The following FOXJ3 variants were observed in gnomAD, a reference collection of about 807,000 sequenced individuals.
The protein encoded by FOXJ3 is forkhead box protein J3.
Under a neutral mutation model 76.1 loss-of-function variants are expected in FOXJ3, and 22 were observed. That is an observed-to-expected ratio of 0.29 (90% confidence interval 0.21 to 0.41). The LOEUF (loss-of-function observed/expected upper bound fraction) is 0.41, where lower values mean the gene tolerates loss of function less well. FOXJ3 is among the 10% of genes least tolerant of loss of function. The pLI is 1.00. For missense variants in FOXJ3, 613 were observed against 762.1 expected (o/e 0.80, Z 2.30); for synonymous variants, 269 against 261.2 (o/e 1.03, Z -0.29).
chr1:42,194,824 GT>G (rs1408350557), intron 8 of FOXJ3, 65 bp downstream of exon 8: 22 of 992,152 alleles, frequency 2.2e-5, no homozygotes, highest in Non-Finnish European at 3.3e-5. Context: ...CAGCTGCCAT[GT>G]GAAATAATTT....
Position 42,196,067 on chromosome 1 carries a change from G to A in FOXJ3, c.760-1003C>T, listed in dbSNP as rs150150111. ...ACCTCCCTGGCTGAGTGAGGCATGG[G>A]ACTTTCTGCCTTACTCCCTTAGGGT... is the stretch of plus-strand genomic sequence containing the variant. On this transcript the variant is annotated intron_variant, in intron 7 of 12. Transcript: ENST00000361346. 2.6e-3 allele frequency among the ~76,000 whole-genome samples: 393 copies of A among 152,316 alleles called. 3 individuals are homozygous for A. The highest frequency in any genetic ancestry group is 9.0e-3 in the African/African-American group (375 of 41,564).
chr1:42,302,186 C>T lies in FOXJ3; in HGVS notation c.44+8864G>A, dbSNP rs894983685. The stretch of plus-strand genomic sequence containing the variant: ...TGTGGGGCCAGGGTGGTGGAGGTCT[C>T]AGGAAGTTTATCTAGATCCCTAGTG... On this transcript the variant is annotated intron_variant, in intron 2 of 12. Coordinates refer to ENST00000361346, the MANE Select transcript of FOXJ3 (RefSeq NM_014947.5). 4.6e-5 allele frequency among the ~76,000 whole-genome samples: 7 copies of T among 152,102 alleles called. No individual in the cohort carries two copies. In the South Asian group the frequency reaches 6.2e-4, roughly 14 times the overall value.
chr1:42,249,583 G>T (rs985066631), intron 4 of FOXJ3, among the ~76,000 whole-genome samples: 8 of 152,140 alleles, frequency 5.3e-5, no homozygotes, highest in Non-Finnish European at 8.8e-5. Flanking sequence ...AAAAATTAAC[G>T]TACAATTTGA....
At chr1:42,293,859 T>C (rs1653603354) in intron 2 of FOXJ3, among the ~76,000 whole-genome samples, 1 of 152,146 alleles carries the variant, frequency 6.6e-6, no homozygotes, top group Non-Finnish European at 1.5e-5. Context: ...TGTGAAGAAA[T>C]GGATCCCTAC....
Position 42,189,355 on chromosome 1 carries a change from A to G in FOXJ3, c.1401T>C (p.Cys467=), listed in dbSNP as rs1465666365. The part of the protein sequence containing the change: ...YATLDMLKES[C]RIASSVNWSD... ...ACCAATTAACACTGCTGGCAATTCG[A>G]CAGCTTTCTTTTAGCATATCAAGTG... The change falls in exon 10 of 13, where the codon TGT becomes TGC. Residue 467 remains cysteine, a synonymous_variant. Coordinates refer to ENST00000361346, the MANE Select transcript of FOXJ3 (RefSeq NM_014947.5). The G allele has an allele frequency of 1.4e-5, 23 of 1,613,688 alleles. No individual in the cohort carries two copies. The highest frequency in any genetic ancestry group is 9.3e-5 in the African/African-American group (7 of 74,934).
At chr1:42,233,057 T>C (rs1648290516) in intron 4 of FOXJ3, among the ~76,000 whole-genome samples, 1 of 131,100 alleles carries the variant, frequency 7.6e-6, no homozygotes, top group Admixed American at 8.1e-5. Context: ...AGGGAATCCT[T>C]TCCCCATTGC....
At chr1:42,301,799 G>A (rs1323252443) in intron 2 of FOXJ3, among the ~76,000 whole-genome samples, 1 of 151,990 alleles carries the variant, frequency 6.6e-6, no homozygotes, top group Non-Finnish European at 1.5e-5. Flanking sequence ...TCTTTATCTT[G>A]TATTTCAAAG....
chr1:42,333,665 T>C (rs1456983757), intron 1 of FOXJ3, among the ~76,000 whole-genome samples: 1 of 152,128 alleles, frequency 6.6e-6, no homozygotes, highest in Admixed American at 6.5e-5. Context: ...GGGAACAATC[T>C]GTGGTCTCAA....
chr1:42,189,442 G>T, intron 9 of FOXJ3, 38 bp from the exon 10 acceptor site: 1 of 1,428,706 alleles, frequency 7.0e-7, no homozygotes, highest in Non-Finnish European at 9.8e-7. Flanking sequence ...CCTGGATGGT[G>T]AAAGGGTGAA....
intron 4 of FOXJ3, among the ~76,000 whole-genome samples, chr1:42,238,931 A>G (rs2124513553): frequency 6.6e-6 from 1 of 152,234 alleles, no homozygotes; most frequent in South Asian, 2.1e-4. Flanking sequence ...CTCCACAAAC[A>G]TACTATACAT....
At chr1:42,304,094 G>C (rs1324639261) in intron 2 of FOXJ3, among the ~76,000 whole-genome samples, 2 of 152,042 alleles carry the variant, frequency 1.3e-5, no homozygotes, top group Non-Finnish European at 2.9e-5. Flanking sequence ...ACAAAAACCA[G>C]AGTTTCTATA....
At chr1:42,331,040 G>T (rs1403646775) in intron 1 of FOXJ3, among the ~76,000 whole-genome samples, 2 of 152,110 alleles carry the variant, frequency 1.3e-5, no homozygotes, top group Non-Finnish European at 2.9e-5. Context: ...CCATGTGAGG[G>T]GTTGGCAGGG....
intron 4 of FOXJ3, among the ~76,000 whole-genome samples, chr1:42,254,513 C>T (rs1248898693): frequency 6.8e-6 from 1 of 146,522 alleles, no homozygotes; most frequent in Non-Finnish European, 1.5e-5. Flanking sequence ...GACACATGCA[C>T]ACGTATGTTT....
chr1:42,198,326 C>T (rs1418126460), intron 7 of FOXJ3, among the ~76,000 whole-genome samples: 1 of 152,112 alleles, frequency 6.6e-6, no homozygotes, highest in Non-Finnish European at 1.5e-5. Flanking sequence ...AATTCTGCTA[C>T]GTTTTTCTTT....
chr1:42,299,114 T>A (rs1570193080), intron 2 of FOXJ3, among the ~76,000 whole-genome samples: 2 of 152,332 alleles, frequency 1.3e-5, no homozygotes, highest in Middle Eastern at 6.8e-3. Context: ...TTAATGTATG[T>A]TCTATAAATG....
chr1:42,296,240 T>C (rs1653779591), intron 2 of FOXJ3, among the ~76,000 whole-genome samples: 2 of 152,008 alleles, frequency 1.3e-5, no homozygotes, highest in South Asian at 2.1e-4. Flanking sequence ...TCATCCTTTC[T>C]GAAAGTAATC....
chr1:42,206,526 T>A (rs1646865197), intron 5 of FOXJ3, among the ~76,000 whole-genome samples: 1 of 152,176 alleles, frequency 6.6e-6, no homozygotes, highest in African/African-American at 2.4e-5. Context: ...GACCCACCCA[T>A]GAGTTTGGGC....
chr1:42,195,987 T>A (rs1237327444), intron 7 of FOXJ3, among the ~76,000 whole-genome samples: 1 of 152,240 alleles, frequency 6.6e-6, no homozygotes, highest in Non-Finnish European at 1.5e-5. Flanking sequence ...CATGGGGCAG[T>A]TACTCATCTA....
intron 2 of FOXJ3, among the ~76,000 whole-genome samples, chr1:42,304,858 C>T (rs1346652688): frequency 6.6e-6 from 1 of 152,112 alleles, no homozygotes; most frequent in African/African-American, 2.4e-5. Context: ...TTACACCCCA[C>T]AAGCACAGGC....
Sources: gnomAD v4.1 joint callset for allele counts (sites outside exome capture counted in the v4.1 genomes callset) on GRCh38, gnomAD v4.1.1 for gene constraint, MANE v1.5 for transcripts, NCBI Gene and HGNC (gene_info 2026-07-23, HGNC 2026-07-21) for gene names.